The following TMEM132B variants were observed in gnomAD, a reference collection of about 807,000 sequenced individuals.
The protein encoded by TMEM132B is transmembrane protein 132B.
Under a neutral mutation model 90.8 loss-of-function variants are expected in TMEM132B, and 18 were observed. The observed-to-expected ratio is 0.20, with a 90% CI of 0.14 to 0.29. The LOEUF (loss-of-function observed/expected upper bound fraction) is 0.29, where lower values mean the gene tolerates loss of function less well. Ranked by LOEUF, TMEM132B falls within the 10% of genes least tolerant of loss-of-function variation. The pLI is 1.00. For missense variants in TMEM132B, 1,096 were observed against 1,326.8 expected, an observed-to-expected ratio of 0.83 and a Z score of 2.70; for synonymous variants, 504 against 523.3, an observed-to-expected ratio of 0.96 and a Z score of 0.50.
At chr12:125,540,872 T>C (rs1217828243) in intron 4 of TMEM132B, among the ~76,000 whole-genome samples, 1 of 152,264 alleles carries the variant, frequency 6.6e-6, no homozygotes, top group Admixed American at 6.5e-5. Flanking sequence ...GCTCACCAGA[T>C]CTGGCCCCTG....
At chr12:125,393,197 C>T (rs1165473441) in intron 2 of TMEM132B, among the ~76,000 whole-genome samples, 2 of 152,192 alleles carry the variant, frequency 1.3e-5, no homozygotes, top group Non-Finnish European at 2.9e-5. Context: ...TCACAGGGAC[C>T]TGCTGCATTT....
At chr12:125,274,457 G>A (rs1208505266) in intron 1 of TMEM132B, among the ~76,000 whole-genome samples, 1 of 152,216 alleles carries the variant, frequency 6.6e-6, no homozygotes, top group African/African-American at 2.4e-5. Flanking sequence ...GTGACAAACT[G>A]TTTTCCAAAG....
chr12:125,304,635 A>G (rs1436401629), intron 1 of TMEM132B, among the ~76,000 whole-genome samples: 2 of 152,136 alleles, frequency 1.3e-5, no homozygotes, highest in Non-Finnish European at 2.9e-5. Context: ...GCATGTGGAT[A>G]TCCAGTTTTC....
intron 1 of TMEM132B, among the ~76,000 whole-genome samples, chr12:125,299,411 T>C (rs1875759084): frequency 6.6e-6 from 1 of 152,198 alleles, no homozygotes; most frequent in South Asian, 2.1e-4. Context: ...CTTCGGCATC[T>C]GGAATGATCC....
chr12:125,413,823 T>G (rs762906232), intron 2 of TMEM132B, among the ~76,000 whole-genome samples: 1 of 152,234 alleles, frequency 6.6e-6, no homozygotes, highest in African/African-American at 2.4e-5. Context: ...AGTATTTGTT[T>G]GAGTGCCTGT....
chr12:125,497,888 C>T (rs1227104505), intron 3 of TMEM132B, among the ~76,000 whole-genome samples: 1 of 152,170 alleles, frequency 6.6e-6, no homozygotes, highest in Non-Finnish European at 1.5e-5. Context: ...CTGAGGCAGG[C>T]ATGACTGACA....
intron 1 of TMEM132B, among the ~76,000 whole-genome samples, chr12:125,273,229 A>T (rs573354510): frequency 1.3e-5 from 2 of 152,334 alleles, no homozygotes; most frequent in African/African-American, 4.8e-5. Flanking sequence ...ATACAAAATC[A>T]TCTTTATAAA....
intron 2 of TMEM132B, among the ~76,000 whole-genome samples, chr12:125,393,102 C>A (rs1478945089): frequency 6.6e-6 from 1 of 152,202 alleles, no homozygotes; most frequent in Non-Finnish European, 1.5e-5. Context: ...GGAGCATCTG[C>A]CTTAGCTTGA....
intron 1 of TMEM132B, among the ~76,000 whole-genome samples, chr12:125,239,567 T>C (rs1874017215): frequency 6.6e-6 from 1 of 152,206 alleles, no homozygotes; most frequent in East Asian, 1.9e-4. Flanking sequence ...AGTGATTAGA[T>C]GGCTGTCTTT....
chr12:125,435,856 A>T (rs569163989), intron 3 of TMEM132B, among the ~76,000 whole-genome samples: 11 of 151,750 alleles, frequency 7.2e-5, no homozygotes, highest in Non-Finnish European at 1.6e-4. Context: ...AGCTAAATGG[A>T]GGGGACCTCT....
rs1402972201 is a variant in TMEM132B, at chr12:125,658,694, C to G, written c.*3984C>G. On this transcript the variant is annotated 3_prime_UTR_variant, in exon 9 of 9. Transcript: ENST00000682704. ...ATGTAATATAGGCAATATAATGAAA[C>G]ACCGAGTTTTTTAAAGTGAAAGCAT... 6.6e-6 allele frequency: 1 copy of G among 152,140 alleles called. No homozygotes were observed. Among genetic ancestry groups the G allele is most frequent in the African/African-American group, 2.4e-5 (1 of 41,432 alleles). The allele number at this position is 152,140 out of a possible 1,614,324, so 9.4% of individuals were successfully genotyped here.
chr12:125,284,709 G>T (rs921312586), intron 1 of TMEM132B, among the ~76,000 whole-genome samples: 1 of 152,172 alleles, frequency 6.6e-6, no homozygotes, highest in East Asian at 1.9e-4. Context: ...CGATGCTGCA[G>T]TGTTCTTGTA....
chr12:125,219,741 G>A (rs1309818569), intron 1 of TMEM132B, among the ~76,000 whole-genome samples: 1 of 152,198 alleles, frequency 6.6e-6, no homozygotes, highest in Admixed American at 6.5e-5. Context: ...TTACCAGCCA[G>A]CCCTGGTTTA....
chr12:125,317,382 T>C (rs1876310829), intron 1 of TMEM132B, among the ~76,000 whole-genome samples: 1 of 152,038 alleles, frequency 6.6e-6, no homozygotes, highest in African/African-American at 2.4e-5. Flanking sequence ...TGCCCATCAG[T>C]CTCTGTTGTT....
intron 1 of TMEM132B, among the ~76,000 whole-genome samples, chr12:125,240,133 C>T (rs1001037730): frequency 6.6e-6 from 1 of 152,164 alleles, no homozygotes; most frequent in African/African-American, 2.4e-5. Flanking sequence ...TCTGGTGATT[C>T]TGTAAGGACT....
intron 1 of TMEM132B, among the ~76,000 whole-genome samples, chr12:125,314,434 C>T (rs1876206576): frequency 6.6e-6 from 1 of 152,188 alleles, no homozygotes; most frequent in African/African-American, 2.4e-5. Flanking sequence ...CTGCCTTCTG[C>T]CTTGAAGGCG....
chr12:125,612,693 T>C (rs1885865747), intron 5 of TMEM132B, among the ~76,000 whole-genome samples: 1 of 143,684 alleles, frequency 7.0e-6, no homozygotes, highest in Admixed American at 7.1e-5. Flanking sequence ...ATCCATCTTA[T>C]GTTTATGTAG....
intron 1 of TMEM132B, among the ~76,000 whole-genome samples, chr12:125,341,809 C>CT (rs2136221613): frequency 6.6e-6 from 1 of 152,266 alleles, no homozygotes; most frequent in South Asian, 2.1e-4. Context: ...GTTGAGAATC[C>CT]TTGTCTTAGA....
chr12:125,405,499 C>G (rs1247068001), intron 2 of TMEM132B, among the ~76,000 whole-genome samples: 1 of 152,182 alleles, frequency 6.6e-6, no homozygotes, highest in Non-Finnish European at 1.5e-5. Flanking sequence ...CTTATAGACA[C>G]TTATTTTTTC....
Sources: gnomAD v4.1 joint callset for allele counts (sites outside exome capture counted in the v4.1 genomes callset) on GRCh38, gnomAD v4.1.1 for gene constraint, MANE v1.5 for transcripts, NCBI Gene and HGNC (gene_info 2026-07-23, HGNC 2026-07-21) for gene names.